The following POLN variants were observed in gnomAD, a reference collection of about 807,000 sequenced individuals.
POLN encodes the protein DNA polymerase nu, also known as DNA polymerase N.
In POLN, 108 loss-of-function variants were observed where a neutral mutation model predicts 113.5. The observed-to-expected ratio is 0.95, with a 90% CI of 0.81 to 1.12. The LOEUF (loss-of-function observed/expected upper bound fraction) is 1.12, where lower values mean the gene tolerates loss of function less well. Among genes scored for constraint, POLN ranks in the 50% most tolerant of loss-of-function variants. The pLI, the probability that POLN is intolerant of heterozygous loss-of-function variation, is 0.00. For synonymous variants in POLN, 386 were observed against 391.5 expected (o/e 0.99, Z 0.17); for missense variants, 1,097 against 1,077.1 (o/e 1.02, Z -0.26).
At chr4:2,113,326 T>C (rs1731242582) in intron 19 of POLN, among the ~76,000 whole-genome samples, 1 of 151,442 alleles carries the variant, frequency 6.6e-6, no homozygotes, top group South Asian at 2.1e-4. Context: ...ACATGGCACA[T>C]ATATACATAT....
At position 2,099,692 on chromosome 4, in the gene POLN, C is replaced by T. The variant is rs1055371850; in HGVS notation, c.1983-3759G>A. Among the ~76,000 whole-genome samples the T allele has an allele frequency of 6.6e-5, 10 of 152,132 alleles. No homozygotes were observed. The South Asian group carries it at 8.3e-4, about 13-fold the overall frequency. On this transcript the variant is annotated intron_variant, in intron 19 of 25. Transcript: ENST00000511885. Reference sequence around the variant, plus strand: ...ATGTGTGGACTTTAGTTTATAATAACATACCAGTATTGGGTTCATTCATTG... The same window carrying T: ...ATGTGTGGACTTTAGTTTATAATAATATACCAGTATTGGGTTCATTCATTG...
intron 23 of POLN, chr4:2,079,488 G>A: frequency 1.0e-6 from 1 of 985,744 alleles, no homozygotes; most frequent in Admixed American, 6.1e-5. Flanking sequence ...GTGAACACGT[G>A]TATGGGTGCA....
At chr4:2,207,456 T>A (rs921043578) in intron 5 of POLN, among the ~76,000 whole-genome samples, 30 of 151,652 alleles carry the variant, frequency 2.0e-4, no homozygotes, top group East Asian at 3.9e-4. Flanking sequence ...TAATTTTTTT[T>A]AAAAATATGA....
At chr4:2,085,268 T>C (rs1730519345) in intron 21 of POLN, among the ~76,000 whole-genome samples, 1 of 152,260 alleles carries the variant, frequency 6.6e-6, no homozygotes, top group South Asian at 2.1e-4. Context: ...TTGGGTTTCC[T>C]TCATGACCTG....
rs779700538 is a variant in POLN at position 2,085,602 on chromosome 4, G to C, written c.2197+11C>G. ...GCAGGGAGCAGGGAGCTCTGGTTGTGGCCAACTCACCTGTCTGGTGACACT... is the reference window on the plus strand; with the variant it reads ...GCAGGGAGCAGGGAGCTCTGGTTGTCGCCAACTCACCTGTCTGGTGACACT... On this transcript the variant is annotated intron_variant, in intron 21 of 25. Coordinates refer to ENST00000511885, the MANE Select transcript of POLN (RefSeq NM_181808.4). 6.2e-7 allele frequency: 1 copy of C among 1,613,644 alleles called. No individual in the cohort carries two copies. Among genetic ancestry groups the C allele is most frequent in the South Asian group, 1.1e-5 (1 of 91,058 alleles).
intron 2 of POLN, among the ~76,000 whole-genome samples, chr4:2,235,439 A>G (rs944249436): frequency 1.3e-5 from 2 of 152,246 alleles, no homozygotes; most frequent in Admixed American, 1.3e-4. Flanking sequence ...TAAGACCATC[A>G]TAGCAGTATG....
chr4:2,176,395 G>T, intron 8 of POLN, 61 bp from the exon 9 acceptor site: 2 of 1,258,076 alleles, frequency 1.6e-6, no homozygotes, highest in Non-Finnish European at 2.2e-6. Flanking sequence ...GCTCACCACA[G>T]TCTGTAACTG....
chr4:2,199,827 T>C (rs139593411), intron 5 of POLN, among the ~76,000 whole-genome samples: 47 of 152,198 alleles, frequency 3.1e-4, no homozygotes, highest in African/African-American at 1.0e-3. Flanking sequence ...TCCGCCCACC[T>C]TGCTCTCCCA....
intron 16 of POLN, among the ~76,000 whole-genome samples, chr4:2,136,740 C>T (rs964201478): frequency 6.6e-6 from 1 of 152,200 alleles, no homozygotes; most frequent in African/African-American, 2.4e-5. Context: ...TTGTGTGGGC[C>T]TGGGTATCTT....
intron 20 of POLN, among the ~76,000 whole-genome samples, chr4:2,088,173 C>A (rs376356293): frequency 2.6e-5 from 4 of 152,256 alleles, no homozygotes; most frequent in African/African-American, 9.6e-5. Flanking sequence ...ACAATCTCCA[C>A]AGTACTCTCA....
chr4:2,205,874 C>CA (rs59182481), intron 5 of POLN, among the ~76,000 whole-genome samples: 2,929 of 81,824 alleles, frequency 0.036, 104 homozygotes, highest in African/African-American at 0.084. Context: ...GACTCTGTCT[C>CA]AAAAAAAAAA....
intron 16 of POLN, among the ~76,000 whole-genome samples, chr4:2,136,922 C>T (rs1278802046): frequency 6.6e-6 from 1 of 152,248 alleles, no homozygotes; most frequent in African/African-American, 2.4e-5. Flanking sequence ...AGCCTGAGGG[C>T]ATGCTGGCTC....
At chr4:2,232,797 T>G (rs1734630943) in intron 2 of POLN, among the ~76,000 whole-genome samples, 2 of 152,196 alleles carry the variant, frequency 1.3e-5, no homozygotes, top group African/African-American at 4.8e-5. Flanking sequence ...TAAACCAGAT[T>G]ATTAACAAGT....
At chr4:2,193,402 G>A in intron 6 of POLN, 86 bp from the exon 7 acceptor site, 2 of 791,802 alleles carry the variant, frequency 2.5e-6, no homozygotes, top group Non-Finnish European at 2.0e-6. Flanking sequence ...TCAACTAACA[G>A]CTATCACTTA....
At chr4:2,185,279 G>C (rs1008860805) in intron 7 of POLN, among the ~76,000 whole-genome samples, 1 of 152,202 alleles carries the variant, frequency 6.6e-6, no homozygotes, top group Non-Finnish European at 1.5e-5. Context: ...CCAATTTACA[G>C]GAAATAGAAG....
chr4:2,137,531 G>A (rs886445635), intron 16 of POLN, among the ~76,000 whole-genome samples: 9 of 152,158 alleles, frequency 5.9e-5, no homozygotes, highest in Admixed American at 2.6e-4. Flanking sequence ...GCAGCCTGAA[G>A]GGCAGTGTGG....
intron 2 of POLN, chr4:2,241,141 T>A: frequency 2.0e-6 from 1 of 503,706 alleles, no homozygotes; most frequent in Non-Finnish European, 3.4e-6. Context: ...GACGACAGTG[T>A]TTTTAAAAAG....
At chr4:2,116,612 C>A (rs1214199303) in intron 19 of POLN, among the ~76,000 whole-genome samples, 4 of 151,304 alleles carry the variant, frequency 2.6e-5, no homozygotes, top group Middle Eastern at 3.2e-3. Context: ...ATAGGGTGTG[C>A]ATACAGAGAA....
intron 3 of POLN, among the ~76,000 whole-genome samples, chr4:2,213,755 C>T (rs1389002328): frequency 6.6e-6 from 1 of 151,800 alleles, no homozygotes; most frequent in Non-Finnish European, 1.5e-5. Flanking sequence ...GATACAAGGC[C>T]CTCAATGATG....
Sources: gnomAD v4.1 joint callset for allele counts (sites outside exome capture counted in the v4.1 genomes callset) on GRCh38, gnomAD v4.1.1 for gene constraint, MANE v1.5 for transcripts, NCBI Gene and HGNC (gene_info 2026-07-23, HGNC 2026-07-21) for gene names.